The following LRP1B variants were observed in gnomAD, a reference collection of about 807,000 sequenced individuals.
The protein encoded by LRP1B is low-density lipoprotein receptor-related protein 1B.
A neutral mutation model predicts 556.6 loss-of-function variants in LRP1B; 217 were observed. That is an observed-to-expected ratio of 0.39 (90% confidence interval 0.35 to 0.44). The LOEUF is 0.44. LRP1B is among the 20% of genes least tolerant of loss of function. The pLI, the probability that LRP1B is intolerant of heterozygous loss-of-function variation, is 1.00. For synonymous variants in LRP1B, 2,047 were observed against 1,865.8 expected (o/e 1.10, Z -2.50); for missense variants, 5,053 against 5,620.8 (o/e 0.90, Z 3.23).
rs577573966 is a variant in LRP1B at position 141,794,779 on chromosome 2, G to A, written c.205+15500C>T. 8.5e-5 allele frequency among the ~76,000 whole-genome samples: 13 copies of A among 152,064 alleles called. No individual in the cohort carries two copies. In the South Asian group the frequency reaches 2.7e-3, roughly 32 times the overall value. On this transcript the variant is annotated intron_variant, in intron 2 of 90. Coordinates refer to ENST00000389484, the MANE Select transcript of LRP1B (RefSeq NM_018557.3). ...CAGTACCAACGAAATAAAGTCCTAT[G>A]ACCAAAGTCAAAAGAATAATTCTTA...
At chr2:140,301,317 A>G (rs187129913) in intron 83 of LRP1B, among the ~76,000 whole-genome samples, 2 of 138,354 alleles carry the variant, frequency 1.4e-5, no homozygotes, top group Non-Finnish European at 3.2e-5. Flanking sequence ...TCAAAAGACA[A>G]TCATACTCTC....
chr2:140,238,468 G>T (rs1250706189), intron 88 of LRP1B, among the ~76,000 whole-genome samples, 172 bp from the exon 89 acceptor site: 1 of 150,846 alleles, frequency 6.6e-6, no homozygotes, highest in Non-Finnish European at 1.5e-5. Context: ...TTTCCCAGTT[G>T]TTTTGACTTA....
At chr2:140,766,822 A>AATAT (rs34690760) in intron 35 of LRP1B, among the ~76,000 whole-genome samples, 7 of 105,622 alleles carry the variant, frequency 6.6e-5, no homozygotes, top group African/African-American at 1.3e-4. Context: ...ATCTTTGTAA[A>AATAT]ATATATATAT....
At position 141,863,836 on chromosome 2, in the gene LRP1B, A is replaced by G. The variant is rs150903566; in HGVS notation, c.83-53435T>C. Among the ~76,000 whole-genome samples the G allele has an allele frequency of 2.4e-3, 372 of 152,316 alleles. 1 individual carries two copies. The highest frequency in any genetic ancestry group is 3.4e-3 in the Middle Eastern group (1 of 294). On this transcript the variant is annotated intron_variant, in intron 1 of 90. Coordinates refer to ENST00000389484, the MANE Select transcript of LRP1B (RefSeq NM_018557.3). ...AACTTCTAGTATATTAAAAGTTCCA[A>G]TAATGTTTTCATGGTGGTCGCATAA...
rs543695218 is a variant in LRP1B, at chr2:140,483,892, C to T, written c.9425+1451G>A. On this transcript the variant is annotated intron_variant, in intron 59 of 90. Coordinates refer to ENST00000389484, the MANE Select transcript of LRP1B (RefSeq NM_018557.3). Reference sequence around the variant, plus strand: ...CTGACCTCAAGTGATCCATCCGCCTCGGCGCCCAAAGTGCTGGAATTAGAA... The same window carrying T: ...CTGACCTCAAGTGATCCATCCGCCTTGGCGCCCAAAGTGCTGGAATTAGAA... Among the ~76,000 whole-genome samples, 20 of 151,804 alleles carry T rather than the reference C, an allele frequency of 1.3e-4. No homozygotes were observed. In the East Asian group the frequency reaches 3.5e-3, roughly 26 times the overall value.
intron 2 of LRP1B, among the ~76,000 whole-genome samples, chr2:141,481,222 A>C (rs1682907933): frequency 6.6e-6 from 1 of 152,186 alleles, no homozygotes; most frequent in African/African-American, 2.4e-5. Flanking sequence ...ATAAGCTTAA[A>C]TCAGAACATA....
At chr2:141,677,485 T>C (rs1381387153) in intron 2 of LRP1B, among the ~76,000 whole-genome samples, 2 of 152,116 alleles carry the variant, frequency 1.3e-5, no homozygotes, top group Non-Finnish European at 2.9e-5. Flanking sequence ...GTGAGTTTTA[T>C]ATGTATATAT....
intron 7 of LRP1B, among the ~76,000 whole-genome samples, chr2:141,169,898 G>T (rs1325681624): frequency 1.3e-5 from 2 of 150,846 alleles, no homozygotes. Context: ...TACCAATTAT[G>T]CAAATTCTTA....
chr2:141,692,179 T>G (rs1691558755), intron 2 of LRP1B, among the ~76,000 whole-genome samples: 1 of 151,970 alleles, frequency 6.6e-6, no homozygotes. Context: ...AGAGTAACTT[T>G]TCTAAAACTG....
chr2:141,748,172 G>A (rs1693979786), intron 2 of LRP1B, among the ~76,000 whole-genome samples: 1 of 152,018 alleles, frequency 6.6e-6, no homozygotes, highest in Non-Finnish European at 1.5e-5. Context: ...TTATTGCCAA[G>A]GTACTAGTAC....
intron 29 of LRP1B, among the ~76,000 whole-genome samples, chr2:140,847,763 T>TA (rs1001857902): frequency 3.7e-4 from 18 of 49,126 alleles, no homozygotes; most frequent in South Asian, 7.1e-4. Flanking sequence ...AGACTGCATC[T>TA]AAAAAAAAAA....
chr2:140,812,195 A>G (rs1690952803), intron 32 of LRP1B, among the ~76,000 whole-genome samples: 1 of 152,140 alleles, frequency 6.6e-6, no homozygotes, highest in Admixed American at 6.5e-5. Context: ...GACCAAATTA[A>G]TAGGCATCAG....
intron 15 of LRP1B, among the ~76,000 whole-genome samples, chr2:141,001,900 T>C (rs989971333): frequency 2.0e-5 from 3 of 152,116 alleles, no homozygotes; most frequent in Admixed American, 2.0e-4. Context: ...AAAAGACTCC[T>C]TGGTAGAAAC....
chr2:141,470,693 T>C (rs559712793), intron 3 of LRP1B, among the ~76,000 whole-genome samples: 1 of 152,338 alleles, frequency 6.6e-6, no homozygotes, highest in Admixed American at 6.5e-5. Flanking sequence ...TTCCTTGCTT[T>C]TTAAATATCA....
At chr2:140,667,827 G>A (rs758459172) in intron 41 of LRP1B, among the ~76,000 whole-genome samples, 3 of 151,908 alleles carry the variant, frequency 2.0e-5, no homozygotes, top group Non-Finnish European at 2.9e-5. Context: ...AGTTATTTAC[G>A]AACTTGGCTA....
In LRP1B at chr2:140,234,442, A is replaced by G. The variant is rs565512569; in HGVS notation, c.13659+344T>C. On this transcript the variant is annotated intron_variant, in intron 90 of 90. Coordinates refer to ENST00000389484, the MANE Select transcript of LRP1B (RefSeq NM_018557.3). Reference sequence around the variant, plus strand: ...ATTTGTATATATTAAATAAACCACTATGAGAGGAAATGAATAAAATCAAAA... The same window carrying G: ...ATTTGTATATATTAAATAAACCACTGTGAGAGGAAATGAATAAAATCAAAA... 1.7e-4 allele frequency among the ~76,000 whole-genome samples: 26 copies of G among 151,420 alleles called. No individual in the cohort carries two copies. The East Asian group carries it at 4.9e-3, about 29-fold the overall frequency.
chr2:141,588,161 CA>C (rs1687206200), intron 2 of LRP1B, among the ~76,000 whole-genome samples: 1 of 152,050 alleles, frequency 6.6e-6, no homozygotes, highest in Non-Finnish European at 1.5e-5. Flanking sequence ...TACTCTTGTC[CA>C]AACACTGCAA....
chr2:142,120,026 A>G (rs557593163), intron 1 of LRP1B, among the ~76,000 whole-genome samples: 1 of 151,986 alleles, frequency 6.6e-6, no homozygotes, highest in African/African-American at 2.4e-5. Context: ...TAATTGTCCA[A>G]CAGGTAATAA....
chr2:140,902,023 A>G (rs978085394), intron 23 of LRP1B, among the ~76,000 whole-genome samples: 2 of 152,188 alleles, frequency 1.3e-5, no homozygotes, highest in Admixed American at 6.5e-5. Flanking sequence ...TGATATGAAT[A>G]TATCTATTAC....
Sources: gnomAD v4.1 joint callset for allele counts (sites outside exome capture counted in the v4.1 genomes callset) on GRCh38, gnomAD v4.1.1 for gene constraint, MANE v1.5 for transcripts, NCBI Gene and HGNC (gene_info 2026-07-23, HGNC 2026-07-21) for gene names.